ROBO2: variants seen among roughly 807,000 people sequenced by gnomAD.
ROBO2 encodes roundabout guidance receptor 2.
A neutral mutation model predicts 160.8 loss-of-function variants in ROBO2; 53 were observed. The ratio of observed to expected loss-of-function variants is 0.33; its 90% CI spans 0.26 to 0.41. The LOEUF (loss-of-function observed/expected upper bound fraction) is 0.41. Among genes scored for constraint, ROBO2 ranks in the 10% least tolerant of loss-of-function variants. The pLI, the probability that ROBO2 is intolerant of heterozygous loss-of-function variation, is 1.00. For missense variants in ROBO2, 1,577 were observed against 1,722.4 expected, an observed-to-expected ratio of 0.92 and a Z score of 1.49; for synonymous variants, 664 against 611.7, an observed-to-expected ratio of 1.09 and a Z score of -1.26.
intron 2 of ROBO2, among the ~76,000 whole-genome samples, chr3:77,207,120 C>T (rs530613050): frequency 8.5e-5 from 13 of 152,198 alleles, no homozygotes; most frequent in East Asian, 5.8e-4. Context: ...TATTTGGCAA[C>T]GCAAACTATA....
At chr3:76,195,490 A>G (rs547687587) in intron 2 of ROBO2, among the ~76,000 whole-genome samples, 3 of 152,322 alleles carry the variant, frequency 2.0e-5, no homozygotes, top group African/African-American at 7.2e-5. Flanking sequence ...TGAATTTAAA[A>G]TGTATGCAGA....
intron 2 of ROBO2, among the ~76,000 whole-genome samples, chr3:76,426,140 G>A (rs1216508600): frequency 2.6e-5 from 4 of 152,112 alleles, no homozygotes; most frequent in African/African-American, 9.7e-5. Context: ...GAGAAATCCG[G>A]TTTTTGAAAA....
chr3:77,373,038 A>G (rs1322019173), intron 2 of ROBO2, among the ~76,000 whole-genome samples: 2 of 149,134 alleles, frequency 1.3e-5, no homozygotes, highest in African/African-American at 4.9e-5. Context: ...TGAGGAAAAA[A>G]TTATATAATA....
At chr3:77,024,799 T>A (rs969240898) in intron 2 of ROBO2, among the ~76,000 whole-genome samples, 3 of 152,216 alleles carry the variant, frequency 2.0e-5, no homozygotes, top group Non-Finnish European at 2.9e-5. Flanking sequence ...TGTTAACTAT[T>A]GTTCCAAAAA....
chr3:76,086,523 A>C (rs527397841), intron 2 of ROBO2, among the ~76,000 whole-genome samples: 11 of 152,280 alleles, frequency 7.2e-5, no homozygotes, highest in Admixed American at 2.0e-4. Context: ...CATAGTCCGA[A>C]GTCACAGGCT....
intron 2 of ROBO2, among the ~76,000 whole-genome samples, chr3:76,124,098 A>G (rs976453885): frequency 1.7e-4 from 17 of 101,402 alleles, no homozygotes; most frequent in African/African-American, 5.0e-4. Context: ...TGATGTCAAG[A>G]AAGATGAATA....
chr3:76,555,425 GAGAAGGGGAAGGGGAAGAGGAAGA>G (rs1318524209), intron 2 of ROBO2, among the ~76,000 whole-genome samples: 5 of 68,466 alleles, frequency 7.3e-5, no homozygotes, highest in African/African-American at 2.1e-4. Flanking sequence ...AAGAAAGAAG[GAGAAGGGGAAGGGGAAGAGGAAGA>G]GGAAGAGGAA....
At chr3:77,175,024 TA>T in intron 2 of ROBO2, among the ~76,000 whole-genome samples, 1 of 152,218 alleles carries the variant, frequency 6.6e-6, no homozygotes, top group East Asian at 1.9e-4. Flanking sequence ...GAGGCTACAA[TA>T]AGGCACATAA....
At chr3:76,833,914 T>C (rs951127221) in intron 2 of ROBO2, among the ~76,000 whole-genome samples, 4 of 151,672 alleles carry the variant, frequency 2.6e-5, no homozygotes, top group African/African-American at 4.8e-5. Context: ...ATGCTCAGAC[T>C]TTTTTTTCTT....
chr3:76,777,980 A>G (rs1041603735), intron 2 of ROBO2, among the ~76,000 whole-genome samples: 2 of 151,118 alleles, frequency 1.3e-5, no homozygotes, highest in Non-Finnish European at 3.0e-5. Context: ...ATGGAGAATC[A>G]CCATTCTAGG....
intron 2 of ROBO2, among the ~76,000 whole-genome samples, chr3:76,103,935 C>T (rs2069811266): frequency 6.6e-6 from 1 of 152,152 alleles, no homozygotes; most frequent in African/African-American, 2.4e-5. Context: ...AAAACCATCT[C>T]AGGTTTGAGA....
At chr3:75,994,599 G>T (rs1484604305) in intron 2 of ROBO2, among the ~76,000 whole-genome samples, 1 of 152,202 alleles carries the variant, frequency 6.6e-6, no homozygotes, top group African/African-American at 2.4e-5. Context: ...GCCATGTATA[G>T]TTAATGAAAT....
At chr3:77,416,716 CAAAAA>C (rs61204363) in intron 2 of ROBO2, among the ~76,000 whole-genome samples, 2 of 90,006 alleles carry the variant, frequency 2.2e-5, no homozygotes, top group African/African-American at 8.4e-5. Context: ...GATTCCATCT[CAAAAA>C]AAAAAAAAAA....
intron 2 of ROBO2, among the ~76,000 whole-genome samples, chr3:75,946,323 A>G (rs1356839136): frequency 6.6e-6 from 1 of 152,060 alleles, no homozygotes; most frequent in Non-Finnish European, 1.5e-5. Flanking sequence ...TAGCATATAC[A>G]TGTAGTCAAT....
intron 2 of ROBO2, among the ~76,000 whole-genome samples, chr3:76,954,337 A>C (rs1171771369): frequency 1.3e-5 from 2 of 152,172 alleles, no homozygotes; most frequent in East Asian, 3.9e-4. Context: ...ACACCTAATA[A>C]ACCATAACTC....
At chr3:77,183,150 C>CA (rs2080951325) in intron 2 of ROBO2, among the ~76,000 whole-genome samples, 2 of 151,950 alleles carry the variant, frequency 1.3e-5, no homozygotes, top group South Asian at 4.1e-4. Context: ...AAACAAAAAA[C>CA]AAAAAATTGT....
chr3:77,293,901 C>T (rs2061652164), intron 2 of ROBO2, among the ~76,000 whole-genome samples: 1 of 139,610 alleles, frequency 7.2e-6, no homozygotes. Context: ...AACGAGTAAG[C>T]TGCAGCTAGA....
chr3:76,902,435 A>G (rs2075304929), intron 2 of ROBO2, among the ~76,000 whole-genome samples: 1 of 152,080 alleles, frequency 6.6e-6, no homozygotes, highest in African/African-American at 2.4e-5. Context: ...TTAGGCATTT[A>G]ATGCAAATTT....
intron 1 of ROBO2, among the ~76,000 whole-genome samples, chr3:77,060,931 C>T (rs952687229): frequency 4.0e-5 from 6 of 151,788 alleles, no homozygotes; most frequent in African/African-American, 1.5e-4. Context: ...CCAGGAAAAC[C>T]TAACATTTTT....
Sources: gnomAD v4.1 joint callset for allele counts (sites outside exome capture counted in the v4.1 genomes callset) on GRCh38, gnomAD v4.1.1 for gene constraint, MANE v1.5 for transcripts, NCBI Gene and HGNC (gene_info 2026-07-23, HGNC 2026-07-21) for gene names.